The following CEP170B variants were observed in gnomAD, a reference collection of about 807,000 sequenced individuals.
CEP170B encodes centrosomal protein 170B.
A neutral mutation model predicts 120.6 loss-of-function variants in CEP170B; 55 were observed. The ratio of observed to expected loss-of-function variants is 0.46; its 90% CI spans 0.37 to 0.57. The LOEUF (loss-of-function observed/expected upper bound fraction) is 0.57. CEP170B is among the 20% of genes least tolerant of loss of function. CEP170B has a pLI of 0.00. For synonymous variants in CEP170B, 1,033 were observed against 954.5 expected, an observed-to-expected ratio of 1.08 and a Z score of -1.52; for missense variants, 2,212 against 2,253.3, an observed-to-expected ratio of 0.98 and a Z score of 0.37.
In CEP170B at chr14:104,894,806, C is replaced by T. The variant is rs747958247; in HGVS notation, c.4513C>T (p.Arg1505Cys). The T allele has an allele frequency of 2.6e-5, 42 of 1,608,160 alleles. No homozygotes were observed. The highest frequency in any genetic ancestry group is 3.5e-5 in the Non-Finnish European group (41 of 1,179,226). ...TGCACAGCCGGGGCTGGGGAAGGGC[C>T]GCGTGGCTGCCCAGAGCCCACCCTC... ...SSAQPGLGKGRVAAQSPPSPA... is the reference protein window; with the variant it reads ...SSAQPGLGKGCVAAQSPPSPA... Residue 1505 changes from arginine (R) to cysteine (C), a missense_variant, in exon 19 of 19, where the codon CGC becomes TGC. Physicochemically the swap from Arg to Cys is radical, Grantham distance 180. This residue lies in a region of CEP170B where 2,166 missense variants were observed against 2,166.7 expected (regional missense o/e 1.00). Transcript: ENST00000414716.
At chr14:104,879,268 T>C (rs1250658209) in intron 5 of CEP170B, among the ~76,000 whole-genome samples, 1 of 152,118 alleles carries the variant, frequency 6.6e-6, no homozygotes, top group African/African-American at 2.4e-5. Context: ...GATCTACGTG[T>C]TAGAGGATTT....
chr14:104,870,975 T>C lies in CEP170B; in HGVS notation c.105+2420T>C, dbSNP rs1384017524. Among the ~76,000 whole-genome samples the C allele has an allele frequency of 2.0e-5, 3 of 151,974 alleles. No individual in the cohort carries two copies. The highest frequency in any genetic ancestry group is 4.4e-5 in the Non-Finnish European group (3 of 67,992). ...GGCCTCTGTCACCCCTCACTCCCTG[T>C]GCACCTGCCCTAGAGGCTTCTCACC... On this transcript the variant is annotated intron_variant, in intron 2 of 18. Coordinates refer to ENST00000414716, the MANE Select transcript of CEP170B (RefSeq NM_001112726.3). This position sits in a 1 kb window ranked among gnomAD's most constrained non-coding sequence, Gnocchi z 4.1.
rs770680265 is a variant in CEP170B at position 104,896,550 on chromosome 14, G to A, written c.*1592G>A. ...CAATGTTTTAAGTTCACAAGTTCCT[G>A]CTCCTCCCCACACTGAGCTCCTTTG... On this transcript the variant is annotated 3_prime_UTR_variant, in exon 19 of 19. Transcript: ENST00000414716. 1 of 455,446 alleles carries A rather than the reference G, an allele frequency of 2.2e-6. No homozygotes were observed. Among genetic ancestry groups the A allele is most frequent in the African/African-American group, 2.0e-5 (1 of 49,892 alleles). The allele number at this position is 455,446 out of a possible 1,614,324, so 28.2% of individuals were successfully genotyped here.
intron 2 of CEP170B, among the ~76,000 whole-genome samples, chr14:104,875,892 G>C (rs545762852): frequency 6.6e-6 from 1 of 152,308 alleles, no homozygotes; most frequent in Non-Finnish European, 1.5e-5. Context: ...GCCAGGAGTG[G>C]GGGAGGGCTC....
rs1236653970 is a variant in CEP170B at position 104,872,136 on chromosome 14, TGTGTGTGCCGTGTGTGTGC to T, written c.105+3592_105+3610del. ...TGCGTGTGTGCGTCGTGTGTGTGCGTGTGTGTGCCGTGTGTGTGCGTGTGTGCCGCGTGTGTGTGCGTGT... is the reference window on the plus strand; with the variant it reads ...TGCGTGTGTGCGTCGTGTGTGTGCGTGTGTGTGCCGCGTGTGTGTGCGTGT... On this transcript the variant is annotated intron_variant, in intron 2 of 18. Transcript: ENST00000414716. Among the ~76,000 whole-genome samples the T allele has an allele frequency of 2.7e-3, 408 of 148,864 alleles. 1 individual carries two copies. Among genetic ancestry groups the T allele is most frequent in the Non-Finnish European group, 4.7e-3 (317 of 67,146 alleles).
In CEP170B at chr14:104,886,697, G is replaced by A; in HGVS notation, c.2458G>A (p.Glu820Lys). 1.3e-6 allele frequency: 2 copies of A among 1,563,844 alleles called. No individual in the cohort carries two copies. The highest frequency in any genetic ancestry group is 2.4e-5 in the South Asian group (2 of 84,448). The change falls in exon 12 of 19, where the codon GAG (glutamate) becomes AAG (lysine). Residue 820 changes from glutamate to lysine, a missense_variant. Glu to Lys is a moderately conservative substitution (Grantham distance 56). Around this residue, in one of 2 missense-constraint regions of CEP170B, gnomAD observed 2,166 missense variants for 2,166.7 expected, o/e 1.00. Transcript: ENST00000414716. ...ACCGCTTGCGGCTCCAGGGGATGGG[G>A]AGGGCCTAGGGCAGACAGCCCAGCC... is the stretch of plus-strand genomic sequence containing the variant. ...RKPLAAPGDG[E>K]GLGQTAQPSP...
intron 3 of CEP170B, 33 bp downstream of exon 3, chr14:104,876,378 A>C: frequency 6.5e-7 from 1 of 1,543,534 alleles, no homozygotes; most frequent in Non-Finnish European, 8.8e-7. Flanking sequence ...TGGCCTTTTA[A>C]CAGCTCGACC....
At chr14:104,872,509 A>C (rs184608605) in intron 2 of CEP170B, among the ~76,000 whole-genome samples, 4 of 105,708 alleles carry the variant, frequency 3.8e-5, no homozygotes, top group Admixed American at 3.0e-4. Context: ...TGCGTGTGTA[A>C]GTGTGCATGT....
chr14:104,872,025 G>A (rs1308675994), intron 2 of CEP170B, among the ~76,000 whole-genome samples: 1 of 152,222 alleles, frequency 6.6e-6, no homozygotes, highest in Non-Finnish European at 1.5e-5. Flanking sequence ...GCGAACAGGC[G>A]TTAAATGACG....
At chr14:104,883,641 A>G (rs1049345392) in intron 8 of CEP170B, 133 bp downstream of exon 8, 3 of 1,124,992 alleles carry the variant, frequency 2.7e-6, no homozygotes, top group Non-Finnish European at 3.7e-6. Flanking sequence ...TAATTGCCTA[A>G]GAGCCACCTG....
At chr14:104,879,446 G>T (rs1364524226) in intron 5 of CEP170B, among the ~76,000 whole-genome samples, 5 of 152,142 alleles carry the variant, frequency 3.3e-5, no homozygotes, top group Admixed American at 6.5e-5. Context: ...AGGGTGAGGG[G>T]ATCTGAGGTC....
Position 104,894,936 on chromosome 14 carries a change from A to T in CEP170B, c.4643A>T (p.Asp1548Val). ...PSLPDPTFLP[D>V]AERFLI ...CTCCCGGACCCCACCTTCCTCCCTGATGCCGAGAGGTTCCTGATCTAGGCC... is the reference window on the plus strand; with the variant it reads ...CTCCCGGACCCCACCTTCCTCCCTGTTGCCGAGAGGTTCCTGATCTAGGCC... Residue 1548 changes from aspartate to valine, a missense_variant, in exon 19 of 19, where the codon GAT becomes GTT. This residue lies in a region of CEP170B where 2,166 missense variants were observed against 2,166.7 expected (regional missense o/e 1.00). Transcript: ENST00000414716. 6 of 1,590,476 alleles carry T rather than the reference A, an allele frequency of 3.8e-6. No homozygotes were observed. The highest frequency in any genetic ancestry group is 1.1e-5 in the South Asian group (1 of 88,334).
rs1896986304 is a variant in CEP170B at position 104,894,329 on chromosome 14, C to A, written c.4316C>A (p.Ala1439Asp). The change falls in exon 17 of 19, where the codon GCC becomes GAC. Residue 1439 changes from alanine to aspartate, a missense_variant. This residue lies in a region of CEP170B where 2,166 missense variants were observed against 2,166.7 expected (regional missense o/e 1.00). Coordinates refer to ENST00000414716, the MANE Select transcript of CEP170B (RefSeq NM_001112726.3). ...GGGAGAGCTTGGGAGGACCTGGAAG[C>A]CAGGATCAACGCCGAGAACGAGGTG... ...NTGRAWEDLE[A>D]RINAENEVPI... 6.2e-7 allele frequency: 1 copy of A among 1,613,670 alleles called. No individual in the cohort carries two copies. Among genetic ancestry groups the A allele is most frequent in the Non-Finnish European group, 8.5e-7 (1 of 1,179,868 alleles).
At position 104,884,146 on chromosome 14, in the gene CEP170B, G is replaced by A; in HGVS notation, c.1367G>A (p.Gly456Asp). Residue 456 changes from glycine (G) to aspartate (D), a missense_variant, in exon 9 of 19, where the codon GGC becomes GAC. By Grantham distance (94) the Gly-to-Asp change is moderately conservative. This residue lies in a region of CEP170B where 2,166 missense variants were observed against 2,166.7 expected (regional missense o/e 1.00). Transcript: ENST00000414716. ...PSVPAPVQAG[G>D]RSSGPQRAGS... is the part of the protein sequence containing the mutation. ...GTCCCAGCCCCAGTCCAGGCAGGGG[G>A]CCGCAGCTCGGGGCCACAGAGGGCC... The A allele has an allele frequency of 2.6e-6, 4 of 1,556,150 alleles. No individual in the cohort carries two copies. The highest frequency in any genetic ancestry group is 1.4e-5 in the African/African-American group (1 of 73,504).
At chr14:104,879,525 C>T (rs371637284) in intron 5 of CEP170B, among the ~76,000 whole-genome samples, 3 of 152,272 alleles carry the variant, frequency 2.0e-5, no homozygotes, top group Admixed American at 6.5e-5. Flanking sequence ...GACCAAGGCC[C>T]CCCGAGTTCC....
Position 104,892,931 on chromosome 14 carries a change from C to T in CEP170B, c.3879-45C>T, listed in dbSNP as rs748601478. 147 of 1,547,022 alleles carry T rather than the reference C, an allele frequency of 9.5e-5. 1 individual carries two copies. The East Asian group carries it at 1.4e-3, about 15-fold the overall frequency. On this transcript the variant is annotated intron_variant, in intron 13 of 18. Transcript: ENST00000414716. ...GAGGCCTGTCTGGCCCCTGCTGCCC[C>T]GACTTCCTCTGTGCAGAACCTGCCG...
chr14:104,874,754 C>T (rs1447518601), intron 2 of CEP170B, among the ~76,000 whole-genome samples: 1 of 152,070 alleles, frequency 6.6e-6, no homozygotes, highest in Non-Finnish European at 1.5e-5. Context: ...CCCCCACCCC[C>T]GGTCCTCCTC....
In CEP170B at chr14:104,880,465, C is replaced by T. The variant is rs374813781; in HGVS notation, c.472+40C>T. On this transcript the variant is annotated intron_variant, in intron 6 of 18. Coordinates refer to ENST00000414716, the MANE Select transcript of CEP170B (RefSeq NM_001112726.3). ...TGCGGATGGGGTGAGCACACAGGGC[C>T]ACTGCCAGGCCCTCTGCCCCGCACC... 442 of 1,598,456 alleles carry T rather than the reference C, an allele frequency of 2.8e-4. 3 individuals are homozygous for T. Among genetic ancestry groups the T allele is most frequent in the Middle Eastern group, 1.5e-3 (8 of 5,450 alleles).
intron 6 of CEP170B, among the ~76,000 whole-genome samples, 160 bp from the exon 7 acceptor site, chr14:104,882,568 C>T (rs1338223511): frequency 6.6e-6 from 1 of 152,030 alleles, no homozygotes; most frequent in Non-Finnish European, 1.5e-5. Context: ...AGGTAGTCAA[C>T]ATTCCCCACA....
Sources: gnomAD v4.1 joint callset for allele counts (sites outside exome capture counted in the v4.1 genomes callset) on GRCh38, gnomAD v4.1.1 for gene constraint, gnomAD v4.1.1 regional missense constraint, Gnocchi (gnomAD v3.1) non-coding constraint, MANE v1.5 for transcripts, NCBI Gene and HGNC (gene_info 2026-07-23, HGNC 2026-07-21) for gene names.